DOCK1: variants seen among roughly 807,000 people sequenced by gnomAD.
The protein encoded by DOCK1 is dedicator of cytokinesis protein 1.
A neutral mutation model predicts 262.7 loss-of-function variants in DOCK1; 138 were observed. That is an observed-to-expected ratio of 0.53 (90% CI 0.46 to 0.61). The LOEUF (loss-of-function observed/expected upper bound fraction) is 0.61. Among genes scored for constraint, DOCK1 ranks in the 20% least tolerant of loss-of-function variants. The probability of loss-of-function intolerance (pLI) is 0.00; values close to 1 mark genes in which losing one functional copy is unlikely to be tolerated. For missense variants in DOCK1, 1,908 were observed against 2,370.7 expected (o/e 0.80, Z 4.05); for synonymous variants, 866 against 867.4 (o/e 1.00, Z 0.03).
intron 31 of DOCK1, among the ~76,000 whole-genome samples, chr10:127,347,707 A>G (rs2063698204): frequency 6.6e-6 from 1 of 151,188 alleles, no homozygotes; most frequent in African/African-American, 2.4e-5. Flanking sequence ...GGCATGTGGT[A>G]TAAAGGTGGA....
chr10:126,934,296 A>G (rs1286415673), intron 1 of DOCK1, among the ~76,000 whole-genome samples: 1 of 152,230 alleles, frequency 6.6e-6, no homozygotes, highest in African/African-American at 2.4e-5. Context: ...GCTTCTGAGA[A>G]AGGGGCACCG....
chr10:127,019,292 G>A (rs1301382309), intron 13 of DOCK1, among the ~76,000 whole-genome samples: 12 of 152,140 alleles, frequency 7.9e-5, no homozygotes, highest in African/African-American at 2.7e-4. Context: ...TAAACTGACC[G>A]ATAACAGGAT....
At chr10:127,257,597 G>A in intron 29 of DOCK1, 168 bp downstream of exon 29, 1 of 520,620 alleles carries the variant, frequency 1.9e-6, no homozygotes, top group Non-Finnish European at 3.4e-6. Context: ...CTCTGAGTTT[G>A]TGGTGACTTC....
intron 27 of DOCK1, among the ~76,000 whole-genome samples, chr10:127,200,761 G>C (rs915147593): frequency 9.2e-5 from 14 of 152,174 alleles, no homozygotes; most frequent in Non-Finnish European, 1.9e-4. Context: ...CTGGATATTA[G>C]GACACTCCCA....
At chr10:127,373,121 G>A (rs2065295885) in intron 33 of DOCK1, among the ~76,000 whole-genome samples, 1 of 152,264 alleles carries the variant, frequency 6.6e-6, no homozygotes, top group African/African-American at 2.4e-5. Flanking sequence ...TAAAAGCATG[G>A]ATCTGAGACA....
chr10:127,372,152 G>A (rs1590752941), intron 33 of DOCK1, among the ~76,000 whole-genome samples: 1 of 152,222 alleles, frequency 6.6e-6, no homozygotes, highest in South Asian at 2.1e-4. Context: ...TGTCAGGCAA[G>A]AATCAGTACT....
chr10:127,227,567 C>A (rs917331945), intron 27 of DOCK1, among the ~76,000 whole-genome samples: 1 of 152,232 alleles, frequency 6.6e-6, no homozygotes, highest in African/African-American at 2.4e-5. Context: ...GCTGAGCACT[C>A]TACACAGATG....
intron 33 of DOCK1, among the ~76,000 whole-genome samples, chr10:127,367,490 C>T (rs1309895281): frequency 1.3e-5 from 2 of 152,108 alleles, no homozygotes; most frequent in Non-Finnish European, 2.9e-5. Flanking sequence ...CTTAGGTCAG[C>T]TTGACAGCAC....
intron 1 of DOCK1, among the ~76,000 whole-genome samples, chr10:126,908,193 A>C (rs1012107971): frequency 6.6e-6 from 1 of 152,198 alleles, no homozygotes; most frequent in African/African-American, 2.4e-5. Context: ...CTTGTCTGCA[A>C]GTGTGCAGTG....
intron 32 of DOCK1, among the ~76,000 whole-genome samples, chr10:127,361,533 C>T (rs927426147): frequency 4.6e-5 from 7 of 152,096 alleles, no homozygotes; most frequent in Middle Eastern, 3.2e-3. Flanking sequence ...TGATTGGAGT[C>T]GTTTGGCATG....
intron 50 of DOCK1, among the ~76,000 whole-genome samples, chr10:127,445,428 G>A (rs940628571): frequency 5.9e-5 from 9 of 152,204 alleles, no homozygotes; most frequent in East Asian, 1.9e-4. Context: ...GAGTGGATGC[G>A]TGAGTCTAAT....
At chr10:126,952,962 TTGTTGGTGGTA>T (rs1307297530) in intron 1 of DOCK1, among the ~76,000 whole-genome samples, 196 of 149,380 alleles carry the variant, frequency 1.3e-3, no homozygotes, top group African/African-American at 4.7e-3. Flanking sequence ...GTAGTATTTT[TTGTTGGTGGTA>T]TTGTTGGTAG....
At chr10:127,073,161 T>C (rs2046329293) in intron 23 of DOCK1, among the ~76,000 whole-genome samples, 2 of 152,172 alleles carry the variant, frequency 1.3e-5, no homozygotes, top group Admixed American at 6.5e-5. Flanking sequence ...AAACCTCAAA[T>C]AAGATCTAAA....
intron 15 of DOCK1, 198 bp from the exon 16 acceptor site, chr10:127,026,154 G>C (rs1564742836): frequency 3.5e-6 from 2 of 577,028 alleles, no homozygotes; most frequent in Non-Finnish European, 6.1e-6. Context: ...AGTTGGCTTG[G>C]CAGCTGTTAC....
At chr10:127,039,572 C>T (rs892815686) in intron 19 of DOCK1, among the ~76,000 whole-genome samples, 1 of 152,180 alleles carries the variant, frequency 6.6e-6, no homozygotes, top group African/African-American at 2.4e-5. Context: ...CCAGCCCTTA[C>T]CTACCTTGCC....
chr10:127,280,879 T>C (rs992276507), intron 29 of DOCK1, among the ~76,000 whole-genome samples: 3 of 152,198 alleles, frequency 2.0e-5, no homozygotes, highest in African/African-American at 2.4e-5. Flanking sequence ...AACTTTACCA[T>C]TGGTAAAATA....
chr10:127,003,204 A>G (rs2040726876), intron 10 of DOCK1, among the ~76,000 whole-genome samples: 1 of 122,408 alleles, frequency 8.2e-6, no homozygotes, highest in South Asian at 2.7e-4. Context: ...ACCTGCATGA[A>G]CCTGCGTGAA....
chr10:127,447,589 C>T (rs758392516), intron 51 of DOCK1, 44 bp downstream of exon 51: 4 of 1,605,248 alleles, frequency 2.5e-6, no homozygotes, highest in Admixed American at 1.7e-5. Context: ...GCTTCGCCTC[C>T]ACAAAGTAGG....
At chr10:127,298,028 CCCA>C (rs1360856661) in intron 29 of DOCK1, among the ~76,000 whole-genome samples, 2 of 152,092 alleles carry the variant, frequency 1.3e-5, no homozygotes, top group Non-Finnish European at 2.9e-5. Flanking sequence ...AGCAATTATT[CCCA>C]CCACGTGTAA....
Sources: gnomAD v4.1 joint callset for allele counts (sites outside exome capture counted in the v4.1 genomes callset) on GRCh38, gnomAD v4.1.1 for gene constraint, MANE v1.5 for transcripts, NCBI Gene and HGNC (gene_info 2026-07-23, HGNC 2026-07-21) for gene names.